PDE3A: variants seen among roughly 807,000 people sequenced by gnomAD.
The protein encoded by PDE3A is cGMP-inhibited 3',5'-cyclic phosphodiesterase 3A.
Under a neutral mutation model 98.3 loss-of-function variants are expected in PDE3A, and 43 were observed. The observed-to-expected ratio is 0.44, with a 90% CI of 0.34 to 0.56. The LOEUF (loss-of-function observed/expected upper bound fraction) is 0.56, where lower values mean the gene tolerates loss of function less well. Among genes scored for constraint, PDE3A ranks in the 20% least tolerant of loss-of-function variants. The pLI is 0.01. For synonymous variants in PDE3A, 663 were observed against 567.9 expected (o/e 1.17, Z -2.38); for missense variants, 1,427 against 1,440.7 (o/e 0.99, Z 0.15).
chr12:20,538,419 C>T (rs1941806673), intron 1 of PDE3A, among the ~76,000 whole-genome samples: 1 of 152,038 alleles, frequency 6.6e-6, no homozygotes, highest in Non-Finnish European at 1.5e-5. Flanking sequence ...TAAAGACTTT[C>T]CTTAGAAGCT....
At chr12:20,476,364 T>G (rs921031853) in intron 1 of PDE3A, among the ~76,000 whole-genome samples, 1 of 152,174 alleles carries the variant, frequency 6.6e-6, no homozygotes, top group African/African-American at 2.4e-5. Flanking sequence ...TTTATGATAT[T>G]TGAGTTTTGC....
chr12:20,500,768 C>CTTTTTTTTTTTTT (rs61218707), intron 1 of PDE3A, among the ~76,000 whole-genome samples: 1 of 133,366 alleles, frequency 7.5e-6, no homozygotes, highest in East Asian at 2.3e-4. Context: ...TTCTTTCTTT[C>CTTTTTTTTTTTTT]TTTTTTTTTT....
At chr12:20,491,351 T>C (rs1360888328) in intron 1 of PDE3A, among the ~76,000 whole-genome samples, 1 of 152,154 alleles carries the variant, frequency 6.6e-6, no homozygotes, top group Non-Finnish European at 1.5e-5. Context: ...CATTCGTGTT[T>C]TCTTCTGGGA....
At chr12:20,500,915 G>A (rs1322137657) in intron 1 of PDE3A, among the ~76,000 whole-genome samples, 2 of 151,706 alleles carry the variant, frequency 1.3e-5, no homozygotes, top group African/African-American at 4.8e-5. Context: ...CTACAAGTGT[G>A]CGCTACTATG....
At chr12:20,371,998 T>C (rs1187505672) in intron 1 of PDE3A, among the ~76,000 whole-genome samples, 1 of 152,188 alleles carries the variant, frequency 6.6e-6, no homozygotes, top group Non-Finnish European at 1.5e-5. Context: ...GATTCCAAAT[T>C]GATATCATTT....
chr12:20,666,135 T>C (rs1281934739), intron 15 of PDE3A, among the ~76,000 whole-genome samples: 7 of 151,972 alleles, frequency 4.6e-5, no homozygotes, highest in African/African-American at 1.7e-4. Context: ...CGGCTAATTT[T>C]TGTATTTTTA....
chr12:20,634,863 T>A (rs1450440347), intron 7 of PDE3A, 39 bp from the exon 8 acceptor site: 1 of 1,511,618 alleles, frequency 6.6e-7, no homozygotes, highest in South Asian at 1.1e-5. Context: ...CCTTTCCCCA[T>A]TGTAGATCTT....
At chr12:20,500,151 G>T (rs982862188) in intron 1 of PDE3A, among the ~76,000 whole-genome samples, 3 of 152,110 alleles carry the variant, frequency 2.0e-5, no homozygotes, top group African/African-American at 4.8e-5. Flanking sequence ...ATTAGTTATT[G>T]TGTATTATGA....
At position 20,494,775 on chromosome 12, in the gene PDE3A, G is replaced by T. The variant is rs147582406; in HGVS notation, c.961-61885G>T. Among the ~76,000 whole-genome samples the T allele has an allele frequency of 1.3e-4, 19 of 151,694 alleles. No homozygotes were observed. In the East Asian group the frequency reaches 3.7e-3, roughly 29 times the overall value. On this transcript the variant is annotated intron_variant, in intron 1 of 15. Coordinates refer to ENST00000359062, the MANE Select transcript of PDE3A (RefSeq NM_000921.5). ...GAAATATTTAGGACTATTTTGCCCT[G>T]TAGTAGACAATTTAGGCTTAATAAA...
At chr12:20,411,011 A>G (rs1944323608) in intron 1 of PDE3A, among the ~76,000 whole-genome samples, 1 of 152,156 alleles carries the variant, frequency 6.6e-6, no homozygotes, top group Non-Finnish European at 1.5e-5. Context: ...GGATCTCCTT[A>G]CTTTGTTTTC....
chr12:20,632,826 T>C (rs1415242316), intron 6 of PDE3A, among the ~76,000 whole-genome samples: 2 of 152,208 alleles, frequency 1.3e-5, no homozygotes, highest in Non-Finnish European at 2.9e-5. Flanking sequence ...AGTCAATTTT[T>C]ATTTTTTAGC....
chr12:20,608,040 A>G (rs1480336192), intron 2 of PDE3A, among the ~76,000 whole-genome samples: 1 of 151,990 alleles, frequency 6.6e-6, no homozygotes, highest in South Asian at 2.1e-4. Context: ...TACATGATTT[A>G]AAAAACACTA....
intron 15 of PDE3A, among the ~76,000 whole-genome samples, chr12:20,666,300 T>C (rs534706326): frequency 1.1e-4 from 17 of 152,300 alleles, no homozygotes; most frequent in African/African-American, 3.6e-4. Flanking sequence ...AAGTCCCCTC[T>C]TCCCACTATT....
chr12:20,598,174 AATT>A (rs533512178), intron 2 of PDE3A, among the ~76,000 whole-genome samples: 79 of 150,114 alleles, frequency 5.3e-4, no homozygotes, highest in Non-Finnish European at 5.8e-4. Flanking sequence ...TTCTTTTTTT[AATT>A]ATTATTATTA....
At chr12:20,579,387 C>A (rs1168580934) in intron 2 of PDE3A, among the ~76,000 whole-genome samples, 1 of 77,402 alleles carries the variant, frequency 1.3e-5, no homozygotes, top group Non-Finnish European at 2.9e-5. Context: ...GTTCTTGGAC[C>A]TTTCTGTTCC....
intron 15 of PDE3A, among the ~76,000 whole-genome samples, chr12:20,668,202 C>G (rs1592166034): frequency 6.6e-6 from 1 of 152,142 alleles, no homozygotes; most frequent in Non-Finnish European, 1.5e-5. Flanking sequence ...GGTCCTACGC[C>G]CACAGAGTCT....
chr12:20,458,719 A>C (rs548793825), intron 1 of PDE3A, among the ~76,000 whole-genome samples: 2 of 152,278 alleles, frequency 1.3e-5, no homozygotes, highest in Admixed American at 6.5e-5. Context: ...AGATAGGAAG[A>C]CAAGCTGTCC....
At chr12:20,596,871 G>C (rs1205707869) in intron 2 of PDE3A, among the ~76,000 whole-genome samples, 1 of 152,036 alleles carries the variant, frequency 6.6e-6, no homozygotes, top group Non-Finnish European at 1.5e-5. Flanking sequence ...TGGAGGAAGT[G>C]TTTATTTAAA....
Position 20,616,330 on chromosome 12 carries a change from C to T in PDE3A, c.1370C>T (p.Pro457Leu), listed in dbSNP as rs1327748220. ...GGTCTACCCACCTTGGAGCCTGCACCAGTACGGAGAGACCGCAGCACCAGC... is the reference window on the plus strand; with the variant it reads ...GGTCTACCCACCTTGGAGCCTGCACTAGTACGGAGAGACCGCAGCACCAGC... Reference protein sequence around the residue: ...ATGLPTLEPAPVRRDRSTSIK... With the variant: ...ATGLPTLEPALVRRDRSTSIK... The change falls in exon 4 of 16, where the codon CCA becomes CTA. Residue 457 changes from proline (P) to leucine (L), a missense_variant. Physicochemically the swap from Pro to Leu is moderately conservative, Grantham distance 98 (BLOSUM62 -3). This residue lies in a region of PDE3A where 1,012 missense variants were observed against 886.5 expected (regional missense o/e 1.14). Coordinates refer to ENST00000359062, the MANE Select transcript of PDE3A (RefSeq NM_000921.5). 2 of 1,613,870 alleles carry T rather than the reference C, an allele frequency of 1.2e-6. No individual in the cohort carries two copies. Among genetic ancestry groups the T allele is most frequent in the Non-Finnish European group, 1.7e-6 (2 of 1,179,942 alleles).
Sources: gnomAD v4.1 joint callset for allele counts (sites outside exome capture counted in the v4.1 genomes callset) on GRCh38, gnomAD v4.1.1 for gene constraint, gnomAD v4.1.1 regional missense constraint, MANE v1.5 for transcripts, NCBI Gene and HGNC (gene_info 2026-07-23, HGNC 2026-07-21) for gene names.